MAN2A1: variants seen among roughly 807,000 people sequenced by gnomAD.
MAN2A1 encodes alpha-mannosidase 2.
MAN2A1 carries 76 observed loss-of-function variants against 142.6 expected under a neutral mutation model. That is an observed-to-expected ratio of 0.53 (90% confidence interval 0.44 to 0.65). MAN2A1 has a LOEUF of 0.65. MAN2A1 is among the 30% of genes least tolerant of loss of function. The probability of loss-of-function intolerance (pLI) is 0.00; values close to 1 mark genes in which losing one functional copy is unlikely to be tolerated. For missense variants in MAN2A1, 1,311 were observed against 1,365.1 expected (o/e 0.96, Z 0.62); for synonymous variants, 559 against 473.2 (o/e 1.18, Z -2.35).
intron 16 of MAN2A1, among the ~76,000 whole-genome samples, chr5:109,837,675 C>G (rs755975065): frequency 4.9e-4 from 75 of 152,228 alleles, no homozygotes; most frequent in Middle Eastern, 3.4e-3. Flanking sequence ...TAGCTGCCAC[C>G]CTTCACTCAG....
chr5:109,734,576 C>T (rs935049680), intron 4 of MAN2A1, among the ~76,000 whole-genome samples: 1 of 151,978 alleles, frequency 6.6e-6, no homozygotes, highest in African/African-American at 2.4e-5. Flanking sequence ...TTGTGTCTTT[C>T]TTCTCATTGG....
intron 20 of MAN2A1, among the ~76,000 whole-genome samples, chr5:109,856,947 T>C (rs2112775191): frequency 6.6e-6 from 1 of 152,122 alleles, no homozygotes; most frequent in Non-Finnish European, 1.5e-5. Flanking sequence ...GTAAGAGAAA[T>C]ATGTAATATG....
chr5:109,810,728 C>G (rs919050294), intron 12 of MAN2A1, among the ~76,000 whole-genome samples: 1 of 152,306 alleles, frequency 6.6e-6, no homozygotes, highest in East Asian at 1.9e-4. Context: ...CTGCAGAAGG[C>G]TGGTCACTTT....
At chr5:109,707,528 C>T (rs12656748) in intron 1 of MAN2A1, among the ~76,000 whole-genome samples, 26,269 of 151,974 alleles carry the variant, frequency 0.17, 3,233 homozygotes, top group East Asian at 0.64. Context: ...AAGAGGGAAG[C>T]AATACATGAA....
At position 109,690,176 on chromosome 5, in the gene MAN2A1, A is replaced by G. The variant is rs1750622196; in HGVS notation, c.-242A>G. 3.6e-5 allele frequency: 17 copies of G among 469,350 alleles called. No homozygotes were observed. The South Asian group carries it at 4.4e-4, about 12-fold the overall frequency. 29.1% of individuals were successfully genotyped at this position (469,350 alleles called of 1,614,324 possible). On this transcript the variant is annotated 5_prime_UTR_variant, in exon 1 of 22. Transcript: ENST00000261483. ...GGGCCCCCCTTCCCAGTTGCCGGCG[A>G]GTCTCGCCTCGAGAGGGGCGCCCGA...
intron 3 of MAN2A1, among the ~76,000 whole-genome samples, chr5:109,721,726 G>A (rs1407484140): frequency 6.6e-6 from 1 of 152,150 alleles, no homozygotes; most frequent in Admixed American, 6.5e-5. Context: ...TTTATTCTTT[G>A]AGGAGCACAT....
chr5:109,728,555 G>C (rs1358455074), intron 3 of MAN2A1, among the ~76,000 whole-genome samples: 1 of 152,126 alleles, frequency 6.6e-6, no homozygotes, highest in Non-Finnish European at 1.5e-5. Flanking sequence ...GTTTGCACCT[G>C]TTGGTGTTAA....
At chr5:109,825,672 A>G (rs544316302) in intron 16 of MAN2A1, among the ~76,000 whole-genome samples, 1 of 152,186 alleles carries the variant, frequency 6.6e-6, no homozygotes, top group East Asian at 1.9e-4. Flanking sequence ...AACTACACTC[A>G]TCAGAACTAA....
intron 1 of MAN2A1, among the ~76,000 whole-genome samples, chr5:109,713,281 G>A (rs1421232786): frequency 6.6e-6 from 1 of 152,102 alleles, no homozygotes; most frequent in Non-Finnish European, 1.5e-5. Flanking sequence ...TCTTTCTGTT[G>A]CACGTCTTAA....
intron 16 of MAN2A1, among the ~76,000 whole-genome samples, chr5:109,829,869 T>C (rs891578443): frequency 1.3e-5 from 2 of 152,166 alleles, no homozygotes; most frequent in Admixed American, 1.3e-4. Flanking sequence ...ATTGGTGTAG[T>C]CTTCGTCTTC....
chr5:109,775,859 A>C (rs1383380156), intron 8 of MAN2A1, among the ~76,000 whole-genome samples: 1 of 152,198 alleles, frequency 6.6e-6, no homozygotes, highest in Non-Finnish European at 1.5e-5. Context: ...TGTTTGAGTC[A>C]AAATTCAAGC....
Position 109,847,728 on chromosome 5 carries a change from G to C in MAN2A1, c.2914G>C (p.Asp972His). The C allele has an allele frequency of 6.2e-7, 1 of 1,601,718 alleles. No individual in the cohort carries two copies. The highest frequency in any genetic ancestry group is 8.5e-7 in the Non-Finnish European group (1 of 1,174,484). Residue 972 changes from aspartate to histidine, a missense_variant, in exon 19 of 22, where the codon GAT becomes CAT. By Grantham distance (81) the Asp-to-His change is moderately conservative (BLOSUM62 -1). Transcript: ENST00000261483. ...DNRGLEQGIQ[D>H]NKITANLFRI... is the part of the protein sequence containing the mutation. ...TCGTGGCCTTGAGCAAGGTATCCAG[G>C]ATAACAAGATTACAGCTAATCTATT... is the stretch of plus-strand genomic sequence containing the variant.
In MAN2A1 at chr5:109,824,166, G is replaced by A. The variant is rs1754701030; in HGVS notation, c.2566+329G>A. Among the ~76,000 whole-genome samples, 3 of 152,222 alleles carry A rather than the reference G, an allele frequency of 2.0e-5. No individual in the cohort carries two copies. The South Asian group carries it at 6.2e-4, about 32-fold the overall frequency. On this transcript the variant is annotated intron_variant, in intron 16 of 21. Transcript: ENST00000261483. ...ATGAAATGGAAATTATATTAAATAC[G>A]ACTTTCAGTTAATAGACCACACACA...
chr5:109,862,592 A>C (rs1454545369), intron 20 of MAN2A1: 2 of 152,148 alleles, frequency 1.3e-5, no homozygotes, highest in African/African-American at 4.8e-5. Flanking sequence ...AGTTCTTCCA[A>C]AATCTGTTTA....
intron 4 of MAN2A1, among the ~76,000 whole-genome samples, chr5:109,732,360 A>C (rs1377506043): frequency 1.3e-5 from 2 of 151,996 alleles, no homozygotes; most frequent in Non-Finnish European, 2.9e-5. Flanking sequence ...GAAGCTCTTT[A>C]ATTTAATTAG....
At chr5:109,839,027 A>T (rs999746972) in intron 16 of MAN2A1, among the ~76,000 whole-genome samples, 1 of 152,182 alleles carries the variant, frequency 6.6e-6, no homozygotes, top group Non-Finnish European at 1.5e-5. Flanking sequence ...CATTTCATGT[A>T]TTCTGTTGAT....
At chr5:109,757,983 T>C (rs1196081228) in intron 5 of MAN2A1, among the ~76,000 whole-genome samples, 1 of 152,176 alleles carries the variant, frequency 6.6e-6, no homozygotes, top group Non-Finnish European at 1.5e-5. Context: ...TTGGCTGCTG[T>C]GAATAATGCT....
At chr5:109,814,098 C>T (rs1472008143) in intron 12 of MAN2A1, among the ~76,000 whole-genome samples, 1 of 151,952 alleles carries the variant, frequency 6.6e-6, no homozygotes, top group East Asian at 1.9e-4. Context: ...ACAGATGATA[C>T]GTAAGAAGCT....
intron 16 of MAN2A1, among the ~76,000 whole-genome samples, chr5:109,837,421 G>A (rs566442838): frequency 3.9e-5 from 6 of 151,936 alleles, no homozygotes; most frequent in Admixed American, 6.6e-5. Flanking sequence ...CTCTCTACTC[G>A]CTTACTACAA....
Sources: gnomAD v4.1 joint callset for allele counts (sites outside exome capture counted in the v4.1 genomes callset) on GRCh38, gnomAD v4.1.1 for gene constraint, MANE v1.5 for transcripts, NCBI Gene and HGNC (gene_info 2026-07-23, HGNC 2026-07-21) for gene names.